Variants in ERBIN observed in about 807,000 individuals in gnomAD.
The protein encoded by ERBIN is densin-180-like protein.
A neutral mutation model predicts 158.4 loss-of-function variants in ERBIN; 60 were observed. The ratio of observed to expected loss-of-function variants is 0.38; its 90% CI spans 0.31 to 0.47. The LOEUF (loss-of-function observed/expected upper bound fraction) is 0.47, where lower values mean the gene tolerates loss of function less well. Among genes scored for constraint, ERBIN ranks in the 20% least tolerant of loss-of-function variants. The probability of loss-of-function intolerance (pLI) is 0.99; values close to 1 mark genes in which losing one functional copy is unlikely to be tolerated. For missense variants in ERBIN, 1,610 were observed against 1,648.0 expected (o/e 0.98, Z 0.40); for synonymous variants, 594 against 557.2 (o/e 1.07, Z -0.93).
At chr5:65,978,483 G>A (rs44267) in intron 1 of ERBIN, among the ~76,000 whole-genome samples, 123,990 of 152,088 alleles carry the variant, frequency 0.82, 51,038 homozygotes, top group Non-Finnish European at 0.86. Context: ...TCTACACTTT[G>A]TAAAATAGGG....
chr5:65,952,865 T>G (rs1746676820), intron 1 of ERBIN, among the ~76,000 whole-genome samples: 1 of 152,172 alleles, frequency 6.6e-6, no homozygotes, highest in African/African-American at 2.4e-5. Flanking sequence ...GCGCTTAACT[T>G]TTGTGGGTCT....
chr5:65,956,730 A>T (rs1747192005), intron 1 of ERBIN, among the ~76,000 whole-genome samples: 2 of 152,032 alleles, frequency 1.3e-5, no homozygotes, highest in Admixed American at 6.5e-5. Flanking sequence ...AAAAGTATAT[A>T]AACCTGAACA....
chr5:65,987,395 C>CACACACACACACAT (rs1554053523), intron 1 of ERBIN, among the ~76,000 whole-genome samples: 1 of 151,166 alleles, frequency 6.6e-6, no homozygotes, highest in East Asian at 1.9e-4. Context: ...CACACACACA[C>CACACACACACACAT]GAAAAAAGAA....
chr5:66,061,083 G>C (rs152931), intron 21 of ERBIN, among the ~76,000 whole-genome samples: 40,365 of 151,844 alleles, frequency 0.27, 7,119 homozygotes, highest in African/African-American at 0.47. Flanking sequence ...GAGCTGAGTT[G>C]AGTTCCTGGA....
intron 1 of ERBIN, among the ~76,000 whole-genome samples, chr5:65,955,375 A>G (rs933759923): frequency 1.1e-4 from 16 of 152,154 alleles, no homozygotes; most frequent in Non-Finnish European, 2.4e-4. Flanking sequence ...CATGCCTGTA[A>G]TCCCAGCACT....
intron 21 of ERBIN, chr5:66,069,163 C>G: frequency 1.4e-6 from 1 of 698,198 alleles, no homozygotes; most frequent in South Asian, 3.1e-5. Flanking sequence ...TGGCTTAGTT[C>G]TAAATCTTTC....
At chr5:66,062,786 G>A (rs1554067580) in intron 21 of ERBIN, among the ~76,000 whole-genome samples, 3 of 152,188 alleles carry the variant, frequency 2.0e-5, no homozygotes, top group African/African-American at 2.4e-5. Flanking sequence ...CAGGTCTGTT[G>A]GAGTTGACTG....
In ERBIN at chr5:66,068,935, G is replaced by A. The variant is rs568242404; in HGVS notation, c.3634-3234G>A. On this transcript the variant is annotated intron_variant, in intron 21 of 25. Transcript: ENST00000284037. ...ACTACTGTAAGCAGTTTTCACTGTGGCAGCTCTAGGGATCTGCATGGCAGC... is the reference window on the plus strand; with the variant it reads ...ACTACTGTAAGCAGTTTTCACTGTGACAGCTCTAGGGATCTGCATGGCAGC... 7.2e-6 allele frequency: 11 copies of A among 1,535,650 alleles called. No homozygotes were observed. The African/African-American group carries it at 1.4e-4, about 19-fold the overall frequency.
chr5:65,930,140 C>T (rs180989114), intron 1 of ERBIN, among the ~76,000 whole-genome samples: 1 of 152,184 alleles, frequency 6.6e-6, no homozygotes, highest in Admixed American at 6.5e-5. Flanking sequence ...CCATTTCCCT[C>T]TTTTCCAAAC....
intron 14 of ERBIN, among the ~76,000 whole-genome samples, chr5:66,028,989 G>T (rs1425775147): frequency 6.6e-6 from 1 of 152,000 alleles, no homozygotes; most frequent in African/African-American, 2.4e-5. Context: ...CTTTTTTAAG[G>T]CTGAATAGTA....
chr5:66,070,727 A>G (rs558558106), intron 21 of ERBIN, among the ~76,000 whole-genome samples: 107 of 152,116 alleles, frequency 7.0e-4, no homozygotes, highest in African/African-American at 2.6e-3. Flanking sequence ...TAAATACACA[A>G]AATTAGATCA....
At chr5:65,934,349 T>A (rs2150848389) in intron 1 of ERBIN, among the ~76,000 whole-genome samples, 1 of 152,352 alleles carries the variant, frequency 6.6e-6, no homozygotes, top group South Asian at 2.1e-4. Context: ...TACAGCAAAC[T>A]ATTCCAGTTT....
intron 4 of ERBIN, among the ~76,000 whole-genome samples, chr5:66,009,806 C>G (rs1754015894): frequency 6.6e-6 from 1 of 152,086 alleles, no homozygotes; most frequent in Non-Finnish European, 1.5e-5. Flanking sequence ...TTAAAAATGA[C>G]TTTTTTCCAT....
chr5:66,072,175 C>T lies in ERBIN; in HGVS notation c.3640C>T (p.Pro1214Ser), dbSNP rs1390054128. The change falls in exon 22 of 26, where the codon CCC (proline) becomes TCC (serine). Residue 1214 changes from proline (P) to serine (S), a missense_variant. Physicochemically the swap from Pro to Ser is moderately conservative, Grantham distance 74 (BLOSUM62 -1). Coordinates refer to ENST00000284037, the MANE Select transcript of ERBIN (RefSeq NM_001253697.2). Reference protein sequence around the residue: ...IEAKKLEKKHPQTSSSGDPCQ... With the variant: ...IEAKKLEKKHSQTSSSGDPCQ... ...TTTATTTCCTGCTCATTAGAAGCAT[C>T]CCCAGACATCCAGTTCAGGAGATCC... 1.4e-5 allele frequency: 22 copies of T among 1,549,030 alleles called. No homozygotes were observed. Among genetic ancestry groups the T allele is most frequent in the Non-Finnish European group, 1.9e-5 (22 of 1,146,370 alleles).
intron 1 of ERBIN, among the ~76,000 whole-genome samples, chr5:65,963,792 CTTT>C (rs5868429): frequency 1.2e-4 from 15 of 122,970 alleles, no homozygotes; most frequent in Non-Finnish European, 2.0e-4. Context: ...TCTTTCTTTT[CTTT>C]TTTTTTTTTT....
chr5:66,053,681 A>G lies in ERBIN; in HGVS notation c.2363A>G (p.Asp788Gly). The change falls in exon 21 of 26, where the codon GAT becomes GGT. Residue 788 changes from aspartate (D) to glycine (G), a missense_variant. This residue lies in a region of ERBIN where 1,014 missense variants were observed against 936.1 expected (regional missense o/e 1.08). Coordinates refer to ENST00000284037, the MANE Select transcript of ERBIN (RefSeq NM_001253697.2). ...PEIMERSKTQ[D>G]IVLGTSFLSI... ...ATCATGGAAAGATCAAAAACACAGG[A>G]TATTGTGCTTGGAACAAGCTTTTTA... 3 of 1,613,946 alleles carry G rather than the reference A, an allele frequency of 1.9e-6. No individual in the cohort carries two copies. Among genetic ancestry groups the G allele is most frequent in the Non-Finnish European group, 2.5e-6 (3 of 1,179,972 alleles).
intron 1 of ERBIN, among the ~76,000 whole-genome samples, chr5:65,987,025 G>T (rs1438626304): frequency 6.6e-6 from 1 of 152,112 alleles, no homozygotes; most frequent in Non-Finnish European, 1.5e-5. Flanking sequence ...CACATACGAG[G>T]CTAGAAAAAT....
At chr5:66,069,267 G>C (rs972345055) in intron 21 of ERBIN, among the ~76,000 whole-genome samples, 1 of 152,112 alleles carries the variant, frequency 6.6e-6, no homozygotes, top group African/African-American at 2.4e-5. Context: ...TGAACAATAG[G>C]AATAACTGAG....
At chr5:65,998,555 T>G (rs190572713) in intron 4 of ERBIN, among the ~76,000 whole-genome samples, 65 of 152,082 alleles carry the variant, frequency 4.3e-4, no homozygotes, top group African/African-American at 1.6e-3. Context: ...TAATTTTTAT[T>G]TAGATTGGAT....
Sources: allele counts gnomAD v4.1 joint callset (sites outside exome capture counted in the v4.1 genomes callset), GRCh38; gene constraint gnomAD v4.1.1; regional missense constraint gnomAD v4.1.1; transcripts MANE v1.5; gene names NCBI Gene and HGNC (gene_info 2026-07-23, HGNC 2026-07-21).